Variants in HSD17B4 observed in about 807,000 individuals in gnomAD.
HSD17B4 encodes peroxisomal multifunctional enzyme type 2.
In HSD17B4, 70 loss-of-function variants were observed where a neutral mutation model predicts 101.0. The observed-to-expected ratio is 0.69, with a 90% CI of 0.57 to 0.85. The LOEUF is 0.85. HSD17B4 is among the 40% of genes least tolerant of loss of function. The pLI is 0.00. For missense variants in HSD17B4, 984 were observed against 892.4 expected (o/e 1.10, Z -1.31); for synonymous variants, 347 against 297.1 (o/e 1.17, Z -1.73).
intron 23 of HSD17B4, among the ~76,000 whole-genome samples, chr5:119,539,922 CAA>C (rs35193622): frequency 1.9e-5 from 2 of 105,840 alleles, no homozygotes. Context: ...CTGTCTCTAC[CAA>C]AAAAAAAAAA....
intron 21 of HSD17B4, among the ~76,000 whole-genome samples, chr5:119,530,625 G>A (rs1753988096): frequency 1.3e-5 from 2 of 151,418 alleles, no homozygotes; most frequent in Admixed American, 1.3e-4. Flanking sequence ...GGCTGAAGTG[G>A]TTAGGTCACT....
At chr5:119,513,801 A>G (rs952032056) in intron 16 of HSD17B4, among the ~76,000 whole-genome samples, 1 of 152,242 alleles carries the variant, frequency 6.6e-6, no homozygotes, top group Admixed American at 6.5e-5. Flanking sequence ...CCTGTGCCAT[A>G]AACGAGTTTC....
At chr5:119,458,908 C>G (rs1754939779) in intron 2 of HSD17B4, among the ~76,000 whole-genome samples, 1 of 152,060 alleles carries the variant, frequency 6.6e-6, no homozygotes, top group South Asian at 2.1e-4. Flanking sequence ...ATCTAGTTCT[C>G]TGAATAGTAA....
At chr5:119,540,914 G>A (rs1457725760) in intron 23 of HSD17B4, among the ~76,000 whole-genome samples, 1 of 152,140 alleles carries the variant, frequency 6.6e-6, no homozygotes, top group Non-Finnish European at 1.5e-5. Context: ...AAGAACTGCT[G>A]ATGTGCCCAC....
At chr5:119,513,137 T>C (rs2560724) in intron 16 of HSD17B4, among the ~76,000 whole-genome samples, 3,185 of 152,296 alleles carry the variant, frequency 0.021, 95 homozygotes, top group African/African-American at 0.072. Context: ...TTACGTGAAG[T>C]TGTATCTATT....
At chr5:119,539,023 G>A (rs1754757565) in intron 23 of HSD17B4, among the ~76,000 whole-genome samples, 1 of 152,114 alleles carries the variant, frequency 6.6e-6, no homozygotes, top group Non-Finnish European at 1.5e-5. Flanking sequence ...TAGAAGGAAT[G>A]AAAGTTCAAT....
In HSD17B4 at chr5:119,497,721, AT is replaced by A. The variant is rs148400397; in HGVS notation, c.972+1078del. On this transcript the variant is annotated intron_variant, in intron 12 of 23. Coordinates refer to ENST00000510025, the MANE Select transcript of HSD17B4 (RefSeq NM_000414.4). ...ATACAAAAAAATTATTTTCTAAGCT[AT>A]TTATTGCTAAATGAGTGATGATAAA... is the stretch of plus-strand genomic sequence containing the variant. Among the ~76,000 whole-genome samples the A allele has an allele frequency of 8.7e-3, 1,321 of 152,306 alleles. 18 individuals carry two copies. The highest frequency in any genetic ancestry group is 0.03 in the African/African-American group (1,260 of 41,558).
At chr5:119,474,990 C>T (rs996442630) in intron 4 of HSD17B4, among the ~76,000 whole-genome samples, 4 of 152,080 alleles carry the variant, frequency 2.6e-5, no homozygotes, top group African/African-American at 9.7e-5. Context: ...TATTTAACTA[C>T]TAGATGGAGA....
intron 23 of HSD17B4, among the ~76,000 whole-genome samples, chr5:119,539,355 A>G (rs537047696): frequency 1.2e-3 from 173 of 139,338 alleles, no homozygotes; most frequent in Non-Finnish European, 1.9e-3. Flanking sequence ...CAAACACCGC[A>G]TGTTCTCACA....
rs10524491 is a variant in HSD17B4, at chr5:119,462,248, A to ATTTT, written c.112+5912_112+5915dup. ...TTCATATCCTCCCCCAACAAATGTG[A>ATTTT]TTTTTTTTTTTTTTTTTTTTTTTTT... On this transcript the variant is annotated intron_variant, in intron 2 of 23. Transcript: ENST00000510025. Among the ~76,000 whole-genome samples the ATTTT allele has an allele frequency of 9.8e-3, 294 of 29,982 alleles. 33 individuals carry two copies. The highest frequency in any genetic ancestry group is 0.045 in the Middle Eastern group (1 of 22). The allele number at this position is 29,982 out of a possible 152,430, so 19.7% of individuals were successfully genotyped here.
intron 14 of HSD17B4, among the ~76,000 whole-genome samples, chr5:119,503,076 TTGTGTGTGTGTGTGTGTGTGTGTGTGTG>T (rs759039800): frequency 7.1e-6 from 1 of 140,534 alleles, no homozygotes; most frequent in Non-Finnish European, 1.5e-5. Context: ...ACCTTGGAAA[TTGTGTGTGTGTGTGTGTGTGTGTGTGTG>T]TGTGTGTGTG....
At chr5:119,478,054 C>A (rs1473666713) in intron 7 of HSD17B4, 1 of 159,096 alleles carries the variant, frequency 6.3e-6, no homozygotes, top group African/African-American at 2.4e-5. Flanking sequence ...TTCGGTTATA[C>A]CTTATTCTGT....
intron 20 of HSD17B4, 43 bp from the exon 21 acceptor site, chr5:119,529,851 A>G (rs1753903259): frequency 8.7e-7 from 1 of 1,151,366 alleles, no homozygotes; most frequent in Non-Finnish European, 1.3e-6. Context: ...TTACACTTCC[A>G]TTGTAATCAG....
rs776827357 is a variant in HSD17B4, at chr5:119,527,143, C to T, written c.1691C>T (p.Ala564Val). 8.1e-6 allele frequency: 13 copies of T among 1,596,878 alleles called. No individual in the cohort carries two copies. In the African/African-American group the frequency reaches 9.4e-5, roughly 12 times the overall value. The change falls in exon 20 of 24, where the codon GCA (alanine) becomes GTA (valine). Residue 564 changes from alanine (A) to valine (V), a missense_variant. Ala to Val is a moderately conservative substitution (Grantham distance 64, BLOSUM62 0). Coordinates refer to ENST00000510025, the MANE Select transcript of HSD17B4 (RefSeq NM_000414.4). ...SRFKAIKARF[A>V]KPVYPGQTLQ... ...AATTCTTTTTTAAAGGCTCGTTTTG[C>T]AAAACCAGTATATCCAGGACAAACT...
chr5:119,525,330 G>A (rs759335207), intron 18 of HSD17B4, 45 bp downstream of exon 18: 5 of 1,142,604 alleles, frequency 4.4e-6, no homozygotes, highest in Non-Finnish European at 4.0e-6. Flanking sequence ...TTAGCTATTC[G>A]ATATTTAATT....
intron 2 of HSD17B4, among the ~76,000 whole-genome samples, chr5:119,462,121 T>C (rs1381712424): frequency 6.6e-6 from 1 of 152,168 alleles, no homozygotes; most frequent in Non-Finnish European, 1.5e-5. Flanking sequence ...AACATTTTGA[T>C]AGTTTCAGCT....
intron 18 of HSD17B4, chr5:119,525,658 C>G: frequency 1.9e-6 from 1 of 532,894 alleles, no homozygotes; most frequent in East Asian, 3.3e-5. Flanking sequence ...TGGTTACAAC[C>G]AAAACTAAAC....
chr5:119,540,402 AATAG>A (rs1356703592), intron 23 of HSD17B4, among the ~76,000 whole-genome samples: 3 of 152,092 alleles, frequency 2.0e-5, no homozygotes, highest in African/African-American at 4.8e-5. Flanking sequence ...GAAATAAGAA[AATAG>A]ATAGGAGGAA....
At chr5:119,495,720 G>T (rs1481370819) in intron 11 of HSD17B4, 4 of 187,428 alleles carry the variant, frequency 2.1e-5, no homozygotes, top group South Asian at 8.1e-5. Flanking sequence ...TCCCAGGCTG[G>T]AGTATGGTGG....
Sources: allele counts gnomAD v4.1 joint callset (sites outside exome capture counted in the v4.1 genomes callset), GRCh38; gene constraint gnomAD v4.1.1; transcripts MANE v1.5; gene names NCBI Gene and HGNC (gene_info 2026-07-23, HGNC 2026-07-21).